RIMS1: variants seen among roughly 807,000 people sequenced by gnomAD.
RIMS1 encodes regulating synaptic membrane exocytosis 1.
RIMS1 carries 83 observed loss-of-function variants against 214.1 expected under a neutral mutation model. That is an observed-to-expected ratio of 0.39 (90% CI 0.32 to 0.47). RIMS1 has a LOEUF of 0.47. Among genes scored for constraint, RIMS1 ranks in the 20% least tolerant of loss-of-function variants. The probability of loss-of-function intolerance (pLI) is 0.99; values close to 1 mark genes in which losing one functional copy is unlikely to be tolerated. For missense variants in RIMS1, 2,050 were observed against 2,161.8 expected (o/e 0.95, Z 1.03); for synonymous variants, 793 against 786.8 (o/e 1.01, Z -0.13).
At chr6:72,183,974 T>C (rs1325228315) in intron 6 of RIMS1, among the ~76,000 whole-genome samples, 1 of 152,178 alleles carries the variant, frequency 6.6e-6, no homozygotes, top group Non-Finnish European at 1.5e-5. Flanking sequence ...CGGTATTAAA[T>C]CATAGCTGCA....
intron 4 of RIMS1, 71 bp downstream of exon 4, chr6:72,100,057 A>G: frequency 1.7e-6 from 2 of 1,183,628 alleles, no homozygotes; most frequent in Non-Finnish European, 2.5e-6. Flanking sequence ...TGAATGTTGC[A>G]CCTAGTATTG....
intron 2 of RIMS1, among the ~76,000 whole-genome samples, chr6:71,996,236 A>G (rs949221595): frequency 3.9e-5 from 6 of 152,336 alleles, no homozygotes; most frequent in South Asian, 2.1e-4. Flanking sequence ...CATTTTGTCT[A>G]TAACACCTTC....
chr6:72,062,001 G>T (rs1189948230), intron 2 of RIMS1, among the ~76,000 whole-genome samples: 1 of 152,178 alleles, frequency 6.6e-6, no homozygotes, highest in East Asian at 1.9e-4. Context: ...CGGTAGAAAA[G>T]AAACCATTTT....
chr6:72,217,084 T>C, intron 6 of RIMS1: 1 of 1,505,784 alleles, frequency 6.6e-7, no homozygotes. Flanking sequence ...AAATGTTGTA[T>C]TTTGGTGGAT....
intron 13 of RIMS1, 34 bp from the exon 14 acceptor site, chr6:72,250,883 ACTTG>A (rs1375307443): frequency 8.2e-7 from 1 of 1,216,494 alleles, no homozygotes; most frequent in Non-Finnish European, 1.1e-6. Context: ...GGCAGCATGT[ACTTG>A]CTTTTTCATT....
chr6:72,082,669 T>C (rs903248362), intron 2 of RIMS1, among the ~76,000 whole-genome samples: 1 of 152,178 alleles, frequency 6.6e-6, no homozygotes, highest in African/African-American at 2.4e-5. Context: ...ACTTTCCTTC[T>C]ACACTCAGAG....
intron 2 of RIMS1, among the ~76,000 whole-genome samples, chr6:71,997,317 C>T (rs963430509): frequency 1.3e-5 from 2 of 152,022 alleles, no homozygotes; most frequent in Admixed American, 1.3e-4. Flanking sequence ...TAGATGATAA[C>T]TATATGCAGC....
chr6:71,946,130 A>G (rs1257016598), intron 1 of RIMS1, among the ~76,000 whole-genome samples: 1 of 152,240 alleles, frequency 6.6e-6, no homozygotes, highest in African/African-American at 2.4e-5. Context: ...AGATCTATAC[A>G]CTTAAAATTA....
chr6:72,316,107 A>G (rs1209684272), intron 28 of RIMS1, among the ~76,000 whole-genome samples: 1 of 152,144 alleles, frequency 6.6e-6, no homozygotes, highest in Admixed American at 6.5e-5. Flanking sequence ...AAAAAAAAAC[A>G]TTGTAAATTC....
At chr6:72,174,512 A>T (rs1221923575) in intron 4 of RIMS1, among the ~76,000 whole-genome samples, 1 of 152,162 alleles carries the variant, frequency 6.6e-6, no homozygotes, top group African/African-American at 2.4e-5. Context: ...ATTTTTTCTA[A>T]TGTATCCTAA....
At chr6:71,899,809 C>T (rs1773048987) in intron 1 of RIMS1, among the ~76,000 whole-genome samples, 3 of 151,970 alleles carry the variant, frequency 2.0e-5, no homozygotes, top group African/African-American at 4.8e-5. Context: ...GGTAATTTAT[C>T]GACTGGCCAA....
intron 1 of RIMS1, among the ~76,000 whole-genome samples, chr6:71,946,429 C>T (rs1408413106): frequency 1.3e-5 from 2 of 152,082 alleles, no homozygotes; most frequent in East Asian, 3.9e-4. Context: ...GGCATAAAAA[C>T]AAACATGTAG....
intron 22 of RIMS1, among the ~76,000 whole-genome samples, chr6:72,270,130 A>G (rs2082316677): frequency 6.6e-6 from 1 of 152,224 alleles, no homozygotes; most frequent in African/African-American, 2.4e-5. Flanking sequence ...AGTGGAAGAA[A>G]CACACACACT....
At chr6:72,188,673 G>T (rs539806148) in intron 6 of RIMS1, among the ~76,000 whole-genome samples, 1 of 152,158 alleles carries the variant, frequency 6.6e-6, no homozygotes, top group Non-Finnish European at 1.5e-5. Context: ...GCAGTTTGTG[G>T]TTTTTTACCT....
chr6:72,121,774 A>G (rs1481358605), intron 4 of RIMS1, among the ~76,000 whole-genome samples: 1 of 151,848 alleles, frequency 6.6e-6, no homozygotes, highest in East Asian at 1.9e-4. Flanking sequence ...ATTCAGTATG[A>G]TATTGGCTGT....
At chr6:72,249,614 T>A (rs1188128760) in intron 12 of RIMS1, among the ~76,000 whole-genome samples, 2 of 151,918 alleles carry the variant, frequency 1.3e-5, no homozygotes, top group Non-Finnish European at 2.9e-5. Flanking sequence ...CCACAAAAAA[T>A]TTAAAAAACT....
At chr6:72,212,948 C>A (rs767623681) in intron 6 of RIMS1, 91 of 1,400,788 alleles carry the variant, frequency 6.5e-5, no homozygotes, top group Non-Finnish European at 8.3e-5. Flanking sequence ...CTTGTTCTCA[C>A]ACCAATGTTT....
chr6:72,012,486 A>G (rs771031833), intron 2 of RIMS1, among the ~76,000 whole-genome samples: 9 of 152,138 alleles, frequency 5.9e-5, no homozygotes, highest in African/African-American at 1.2e-4. Context: ...TAATAAAAAA[A>G]ACTGAAAAAA....
At chr6:72,129,452 C>T (rs1054124688) in intron 4 of RIMS1, among the ~76,000 whole-genome samples, 1 of 151,978 alleles carries the variant, frequency 6.6e-6, no homozygotes, top group Non-Finnish European at 1.5e-5. Context: ...TCACAGCTTC[C>T]CTAGATTTTT....
Sources: allele counts gnomAD v4.1 joint callset (sites outside exome capture counted in the v4.1 genomes callset), GRCh38; gene constraint gnomAD v4.1.1; transcripts MANE v1.5; gene names NCBI Gene and HGNC (gene_info 2026-07-23, HGNC 2026-07-21).